SCN9A: variants seen among roughly 807,000 people sequenced by gnomAD.
The protein encoded by SCN9A is sodium channel protein type 9 subunit alpha.
SCN9A carries 131 observed loss-of-function variants against 187.0 expected under a neutral mutation model. The ratio of observed to expected loss-of-function variants is 0.70; its 90% CI spans 0.61 to 0.81. The LOEUF is 0.81. SCN9A is among the 30% of genes least tolerant of loss of function. SCN9A has a pLI of 0.00. For missense variants in SCN9A, 2,252 were observed against 2,396.6 expected, an observed-to-expected ratio of 0.94 and a Z score of 1.26; for synonymous variants, 809 against 808.6, an observed-to-expected ratio of 1.00 and a Z score of -0.01.
At chr2:166,317,260 T>C (rs186110761) in intron 1 of SCN9A, among the ~76,000 whole-genome samples, 1 of 151,906 alleles carries the variant, frequency 6.6e-6, no homozygotes. Context: ...TTATTTGACC[T>C]AATTTTATAT....
At chr2:166,303,520 A>C (rs1331462671) in intron 6 of SCN9A, among the ~76,000 whole-genome samples, 1 of 152,146 alleles carries the variant, frequency 6.6e-6, no homozygotes, top group Admixed American at 6.6e-5. Context: ...AAGAATACCT[A>C]GGTTGTCAAA....
intron 7 of SCN9A, among the ~76,000 whole-genome samples, chr2:166,297,645 G>A (rs1004799152): frequency 1.3e-5 from 2 of 151,752 alleles, no homozygotes; most frequent in African/African-American, 4.8e-5. Flanking sequence ...AACGGGCCCT[G>A]GGTTTCTTGG....
At chr2:166,325,517 C>T (rs986141796) in intron 1 of SCN9A, among the ~76,000 whole-genome samples, 7 of 152,012 alleles carry the variant, frequency 4.6e-5, no homozygotes, top group African/African-American at 1.7e-4. Context: ...ACTTGAGAGT[C>T]ATTATGTCTT....
intron 1 of SCN9A, among the ~76,000 whole-genome samples, chr2:166,364,855 A>T (rs1037711023): frequency 6.6e-6 from 1 of 152,190 alleles, no homozygotes; most frequent in South Asian, 2.1e-4. Context: ...CAAAATATAA[A>T]TTTTTAAATT....
intron 18 of SCN9A, among the ~76,000 whole-genome samples, chr2:166,247,882 C>T (rs1423232356): frequency 6.6e-6 from 1 of 151,888 alleles, no homozygotes; most frequent in Non-Finnish European, 1.5e-5. Context: ...TATAGGTTGC[C>T]AAGTCATGTA....
chr2:166,314,501 C>T (rs558490145), intron 1 of SCN9A, among the ~76,000 whole-genome samples: 9 of 152,264 alleles, frequency 5.9e-5, no homozygotes, highest in Non-Finnish European at 1.3e-4. Flanking sequence ...CACACAAGAA[C>T]GTTTACATGA....
At chr2:166,340,598 CTTTCTTTTTCTTTCTTTCTTTCCT>C (rs1699757880) in intron 1 of SCN9A, among the ~76,000 whole-genome samples, 1 of 53,014 alleles carries the variant, frequency 1.9e-5, no homozygotes, top group South Asian at 4.7e-4. Flanking sequence ...TTCTTTCTTT[CTTTCTTTTTCTTTCTTTCTTTCCT>C]TTCTCTTCTT....
intron 24 of SCN9A, among the ~76,000 whole-genome samples, chr2:166,213,558 C>A (rs1216721887): frequency 6.6e-6 from 1 of 151,034 alleles, no homozygotes; most frequent in East Asian, 1.9e-4. Context: ...TGGAGAAGTC[C>A]AACCAAACAT....
intron 26 of SCN9A, among the ~76,000 whole-genome samples, chr2:166,200,114 C>T (rs1420196537): frequency 6.9e-6 from 1 of 145,382 alleles, no homozygotes; most frequent in Admixed American, 6.9e-5. Context: ...TCTCCTGCCT[C>T]AGCCTCCCGA....
At chr2:166,371,480 T>C (rs1418767223) in intron 1 of SCN9A, among the ~76,000 whole-genome samples, 1 of 152,124 alleles carries the variant, frequency 6.6e-6, no homozygotes, top group African/African-American at 2.4e-5. Flanking sequence ...GCCATTTCCT[T>C]CCAGCAAGGC....
At chr2:166,215,513 C>T (rs1694292408) in intron 24 of SCN9A, among the ~76,000 whole-genome samples, 1 of 151,328 alleles carries the variant, frequency 6.6e-6, no homozygotes, top group Non-Finnish European at 1.5e-5. Flanking sequence ...ATCGAAAAAC[C>T]TTTAACTAGA....
At chr2:166,254,434 T>C (rs527942247) in intron 17 of SCN9A, among the ~76,000 whole-genome samples, 1 of 151,654 alleles carries the variant, frequency 6.6e-6, no homozygotes, top group Non-Finnish European at 1.5e-5. Flanking sequence ...TAAGCTTCTT[T>C]AGCAGATTTC....
intron 24 of SCN9A, among the ~76,000 whole-genome samples, chr2:166,216,393 C>T (rs985101609): frequency 1.3e-5 from 2 of 151,894 alleles, no homozygotes; most frequent in Non-Finnish European, 2.9e-5. Flanking sequence ...AGCAATTAGG[C>T]AGGAAAAAGA....
At chr2:166,336,443 A>G (rs552106230) in intron 1 of SCN9A, among the ~76,000 whole-genome samples, 4 of 152,124 alleles carry the variant, frequency 2.6e-5, no homozygotes, top group Non-Finnish European at 5.9e-5. Flanking sequence ...TCATGGGAAC[A>G]TGGAGGAAGA....
intron 1 of SCN9A, among the ~76,000 whole-genome samples, chr2:166,352,996 T>C (rs1443414363): frequency 7.3e-6 from 1 of 137,316 alleles, no homozygotes; most frequent in East Asian, 2.0e-4. Context: ...ATCGATATCT[T>C]TCCATTGTAT....
intron 20 of SCN9A, among the ~76,000 whole-genome samples, chr2:166,234,135 C>G (rs905932369): frequency 6.6e-6 from 1 of 151,992 alleles, no homozygotes; most frequent in African/African-American, 2.4e-5. Flanking sequence ...GCCACAATTA[C>G]CATAACCAGT....
At chr2:166,316,778 T>C (rs1393276749) in intron 1 of SCN9A, among the ~76,000 whole-genome samples, 1 of 152,204 alleles carries the variant, frequency 6.6e-6, no homozygotes, top group African/African-American at 2.4e-5. Context: ...TTCGTTTATA[T>C]TGCCAAATAA....
chr2:166,325,666 T>C (rs1699345466), intron 1 of SCN9A, among the ~76,000 whole-genome samples: 1 of 152,176 alleles, frequency 6.6e-6, no homozygotes, highest in Non-Finnish European at 1.5e-5. Context: ...TTATTACATA[T>C]CCATCTTAAT....
At chr2:166,232,397 C>T (rs560165210) in intron 21 of SCN9A, among the ~76,000 whole-genome samples, 3 of 152,266 alleles carry the variant, frequency 2.0e-5, no homozygotes, top group African/African-American at 7.2e-5. Context: ...ATTCCACTTA[C>T]TTTGCAATGT....
Sources: gnomAD v4.1 joint callset for allele counts (sites outside exome capture counted in the v4.1 genomes callset) on GRCh38, gnomAD v4.1.1 for gene constraint, MANE v1.5 for transcripts, NCBI Gene and HGNC (gene_info 2026-07-23, HGNC 2026-07-21) for gene names.